The following ATP8A2 variants were observed in gnomAD, a reference collection of about 807,000 sequenced individuals.
ATP8A2 encodes the protein ATPase phospholipid transporting 8A2, also known as phospholipid-transporting ATPase IB.
A neutral mutation model predicts 165.6 loss-of-function variants in ATP8A2; 100 were observed. The ratio of observed to expected loss-of-function variants is 0.60; its 90% CI spans 0.51 to 0.71. The LOEUF (loss-of-function observed/expected upper bound fraction) is 0.71, where lower values mean the gene tolerates loss of function less well. ATP8A2 is among the 30% of genes least tolerant of loss of function. The pLI is 0.00. For synonymous variants in ATP8A2, 543 were observed against 548.8 expected (o/e 0.99, Z 0.15); for missense variants, 1,227 against 1,479.5 (o/e 0.83, Z 2.80).
intron 27 of ATP8A2, among the ~76,000 whole-genome samples, chr13:25,813,065 G>T (rs373498188): frequency 6.6e-6 from 1 of 152,086 alleles, no homozygotes; most frequent in Non-Finnish European, 1.5e-5. Context: ...GGCCTGTGGG[G>T]GTTGGGGAGG....
rs140799828 is a variant in ATP8A2 at position 25,785,708 on chromosome 13, C to G, written c.2679+10749C>G. Among the ~76,000 whole-genome samples the G allele has an allele frequency of 4.1e-3, 630 of 152,270 alleles. 4 individuals are homozygous for G. The highest frequency in any genetic ancestry group is 5.9e-3 in the Non-Finnish European group (402 of 68,020). On this transcript the variant is annotated intron_variant, in intron 27 of 36. Transcript: ENST00000381655. ...TTCTCTCTCTATACCCAAATAGCAC[C>G]ATTCTAACTGGATTTCAGTAATAAC...
At chr13:25,689,832 T>A (rs561065466) in intron 24 of ATP8A2, among the ~76,000 whole-genome samples, 148 of 152,274 alleles carry the variant, frequency 9.7e-4, no homozygotes, top group African/African-American at 3.3e-3. Flanking sequence ...CACATTCTTC[T>A]TGTAGGAAGA....
rs181054363 is a variant in ATP8A2, at chr13:25,598,316, C to T, written c.2211+8617C>T. On this transcript the variant is annotated intron_variant, in intron 24 of 36. Coordinates refer to ENST00000381655, the MANE Select transcript of ATP8A2 (RefSeq NM_016529.6). ...CCTCCAACTTTATTTTTTTTAAAGA[C>T]TGTTTTGGTCGTTTCAGGACCTTTG... 2.1e-3 allele frequency among the ~76,000 whole-genome samples: 321 copies of T among 152,062 alleles called. 3 individuals are homozygous for T. The highest frequency in any genetic ancestry group is 7.5e-3 in the African/African-American group (311 of 41,484).
intron 25 of ATP8A2, among the ~76,000 whole-genome samples, chr13:25,729,674 T>C (rs576833402): frequency 6.6e-6 from 1 of 152,232 alleles, no homozygotes; most frequent in South Asian, 2.1e-4. Context: ...GCTTGTTTTG[T>C]TTGACTTGTG....
At chr13:25,717,418 T>TAAAAAAAAAAAAAA (rs55732375) in intron 25 of ATP8A2, among the ~76,000 whole-genome samples, 3 of 95,010 alleles carry the variant, frequency 3.2e-5, no homozygotes, top group African/African-American at 3.5e-5. Context: ...CTGAAAAAAC[T>TAAAAAAAAAAAAAA]AAAAAAAAAA....
At chr13:25,952,452 C>T (rs147179106) in intron 33 of ATP8A2, among the ~76,000 whole-genome samples, 1 of 151,900 alleles carries the variant, frequency 6.6e-6, no homozygotes, top group Non-Finnish European at 1.5e-5. Flanking sequence ...ACAATCATAG[C>T]TCACTTCAAC....
intron 33 of ATP8A2, among the ~76,000 whole-genome samples, chr13:25,929,811 G>A (rs1204124039): frequency 6.6e-6 from 1 of 152,174 alleles, no homozygotes; most frequent in Non-Finnish European, 1.5e-5. Context: ...GCAACAGAGC[G>A]AGACCCTGTC....
chr13:25,665,846 C>G (rs2137719366), intron 24 of ATP8A2, among the ~76,000 whole-genome samples: 1 of 151,462 alleles, frequency 6.6e-6, no homozygotes, highest in East Asian at 1.9e-4. Context: ...CACCACCACT[C>G]CTGTCTCAGA....
chr13:25,914,377 A>C (rs1954207597), intron 33 of ATP8A2, among the ~76,000 whole-genome samples: 1 of 152,188 alleles, frequency 6.6e-6, no homozygotes. Flanking sequence ...AACCTCTCCC[A>C]CTTTACACCT....
At chr13:25,577,224 T>C (rs1024693077) in intron 20 of ATP8A2, 86 bp downstream of exon 20, 1 of 1,133,492 alleles carries the variant, frequency 8.8e-7, no homozygotes, top group Non-Finnish European at 1.3e-6. Context: ...TCCTCATCAT[T>C]CCCTGATTGT....
intron 24 of ATP8A2, among the ~76,000 whole-genome samples, chr13:25,696,346 A>G (rs776866881): frequency 1.3e-5 from 2 of 152,226 alleles, no homozygotes; most frequent in Non-Finnish European, 2.9e-5. Flanking sequence ...ATTAGCCTCT[A>G]ACAAGAGTCA....
At chr13:25,635,466 T>C (rs115206463) in intron 24 of ATP8A2, among the ~76,000 whole-genome samples, 2,330 of 152,310 alleles carry the variant, frequency 0.015, 57 homozygotes, top group African/African-American at 0.052. Flanking sequence ...ACTCCCCTTT[T>C]GGAGATTCTC....
At chr13:25,459,970 G>A (rs1341645312) in intron 1 of ATP8A2, among the ~76,000 whole-genome samples, 4 of 152,164 alleles carry the variant, frequency 2.6e-5, no homozygotes, top group African/African-American at 7.2e-5. Context: ...GGGAGGCCGA[G>A]GTGGGCGGAT....
At chr13:25,395,789 AG>A (rs1251748357) in intron 1 of ATP8A2, among the ~76,000 whole-genome samples, 1 of 151,804 alleles carries the variant, frequency 6.6e-6, no homozygotes, top group Non-Finnish European at 1.5e-5. Flanking sequence ...GCCCTGCCTC[AG>A]TCTTCAAAAG....
At chr13:25,711,081 T>A (rs1236835393) in intron 25 of ATP8A2, among the ~76,000 whole-genome samples, 1 of 152,138 alleles carries the variant, frequency 6.6e-6, no homozygotes, top group Non-Finnish European at 1.5e-5. Context: ...CTCAGCTCAC[T>A]GCAACCTCCG....
chr13:25,774,921 T>C lies in ATP8A2; in HGVS notation c.2641T>C (p.Tyr881His). 1 of 1,613,308 alleles carries C rather than the reference T, an allele frequency of 6.2e-7. No individual in the cohort carries two copies. The highest frequency in any genetic ancestry group is 8.5e-7 in the Non-Finnish European group (1 of 1,179,210). The change falls in exon 27 of 37, where the codon TAC becomes CAC. Residue 881 changes from tyrosine (Y) to histidine (H), a missense_variant. Coordinates refer to ENST00000381655, the MANE Select transcript of ATP8A2 (RefSeq NM_016529.6). ...SYNRVTKCIL[Y>H]CFYKNVVLYI... ...CAACCGGGTGACCAAGTGCATCTTGTACTGCTTCTATAAGAACGTGGTCCT... is the reference window on the plus strand; with the variant it reads ...CAACCGGGTGACCAAGTGCATCTTGCACTGCTTCTATAAGAACGTGGTCCT...
intron 1 of ATP8A2, among the ~76,000 whole-genome samples, chr13:25,411,539 A>G (rs1010359979): frequency 6.6e-6 from 1 of 152,214 alleles, no homozygotes; most frequent in Non-Finnish European, 1.5e-5. Context: ...TGTTGTTAGG[A>G]GACTGAGAAG....
At chr13:25,831,242 T>C (rs1593416166) in intron 28 of ATP8A2, among the ~76,000 whole-genome samples, 1 of 138,434 alleles carries the variant, frequency 7.2e-6, no homozygotes, top group Non-Finnish European at 1.5e-5. Flanking sequence ...TGAGATGGAG[T>C]CTAGCTCTGT....
At chr13:25,936,797 T>C (rs1002128302) in intron 33 of ATP8A2, among the ~76,000 whole-genome samples, 7 of 152,148 alleles carry the variant, frequency 4.6e-5, no homozygotes, top group African/African-American at 9.7e-5. Flanking sequence ...TGTCCTGGAG[T>C]TTCTTTGTCA....
Sources: allele counts gnomAD v4.1 joint callset (sites outside exome capture counted in the v4.1 genomes callset), GRCh38; gene constraint gnomAD v4.1.1; transcripts MANE v1.5; gene names NCBI Gene and HGNC (gene_info 2026-07-23, HGNC 2026-07-21).